The following RPIA variants were observed in gnomAD, a reference collection of about 807,000 sequenced individuals.
RPIA encodes ribose 5-phosphate isomerase A.
RPIA carries 29 observed loss-of-function variants against 37.8 expected under a neutral mutation model. That is an observed-to-expected ratio of 0.77 (90% CI 0.57 to 1.05). RPIA has a LOEUF of 1.05. Ranked by LOEUF, RPIA falls within the 50% of genes least tolerant of loss-of-function variation. RPIA has a pLI of 0.00. For synonymous variants in RPIA, 167 were observed against 157.0 expected (o/e 1.06, Z -0.48); for missense variants, 385 against 413.6 (o/e 0.93, Z 0.60).
chr2:88,735,340 C>T (rs1673302131), intron 5 of RPIA, among the ~76,000 whole-genome samples: 1 of 152,150 alleles, frequency 6.6e-6, no homozygotes, highest in African/African-American at 2.4e-5. Flanking sequence ...GCGTGCCCTC[C>T]TCAGCTTCTA....
intron 3 of RPIA, among the ~76,000 whole-genome samples, chr2:88,706,299 C>T (rs28589279): frequency 0.062 from 9,368 of 152,124 alleles, 513 homozygotes; most frequent in African/African-American, 0.14. Context: ...GACATGGAAT[C>T]AACCCAAATG....
chr2:88,700,220 A>G (rs1672811840), intron 3 of RPIA, among the ~76,000 whole-genome samples, 156 bp downstream of exon 3: 1 of 152,206 alleles, frequency 6.6e-6, no homozygotes, highest in African/African-American at 2.4e-5. Flanking sequence ...TCCTTCTTGG[A>G]ATTGTAGTTT....
chr2:88,692,443 G>A (rs2104061865), intron 1 of RPIA, among the ~76,000 whole-genome samples: 1 of 152,292 alleles, frequency 6.6e-6, no homozygotes, highest in South Asian at 2.1e-4. Flanking sequence ...TGGGCTTGGT[G>A]CGCGCCGGCC....
At chr2:88,715,832 G>GA (rs1673028138) in intron 3 of RPIA, among the ~76,000 whole-genome samples, 1 of 151,944 alleles carries the variant, frequency 6.6e-6, no homozygotes, top group South Asian at 2.1e-4. Context: ...ATTCCTTTAA[G>GA]AAAAAATCCT....
At position 88,691,914 on chromosome 2, in the gene RPIA, C is replaced by A. The variant is rs756812955; in HGVS notation, c.216C>A (p.Pro72=). The A allele has an allele frequency of 2.5e-6, 4 of 1,595,436 alleles. No homozygotes were observed. In the Admixed American group the frequency reaches 7.0e-5, roughly 28 times the overall value. Residue 72 remains proline, a synonymous_variant, in exon 1 of 9, where the codon CCC becomes CCA. Coordinates refer to ENST00000283646, the MANE Select transcript of RPIA (RefSeq NM_144563.3). ...CGDSNSICPA[P]STMSKAEEAK... is the part of the protein sequence containing the mutation. Reference sequence around the variant, plus strand: ...ACTCCAACAGCATCTGCCCGGCCCCCTCCACGATGTCCAAGGCCGAGGAGG... The same window carrying A: ...ACTCCAACAGCATCTGCCCGGCCCCATCCACGATGTCCAAGGCCGAGGAGG...
At chr2:88,726,037 C>A (rs958960436) in intron 3 of RPIA, among the ~76,000 whole-genome samples, 1 of 152,116 alleles carries the variant, frequency 6.6e-6, no homozygotes, top group African/African-American at 2.4e-5. Context: ...ACAGATGCTC[C>A]CCTTGTGTTG....
intron 1 of RPIA, among the ~76,000 whole-genome samples, chr2:88,697,029 TTAA>T: frequency 6.6e-6 from 1 of 152,364 alleles, no homozygotes; most frequent in African/African-American, 2.4e-5. Flanking sequence ...AGAAGATCTG[TTAA>T]TAATTGTGTC....
intron 3 of RPIA, among the ~76,000 whole-genome samples, chr2:88,727,484 A>C (rs1673213534): frequency 6.6e-6 from 1 of 152,168 alleles, no homozygotes; most frequent in Admixed American, 6.5e-5. Flanking sequence ...TGTACAGATT[A>C]TTTTGTCACC....
intron 3 of RPIA, among the ~76,000 whole-genome samples, chr2:88,718,576 G>T (rs1218818298): frequency 1.3e-5 from 2 of 152,062 alleles, no homozygotes; most frequent in African/African-American, 2.4e-5. Context: ...TCCTGTACAG[G>T]GACTGCATAG....
chr2:88,708,816 G>C (rs974545075), intron 3 of RPIA, among the ~76,000 whole-genome samples: 3 of 151,048 alleles, frequency 2.0e-5, no homozygotes, highest in African/African-American at 7.3e-5. Flanking sequence ...GAGTGCAGTG[G>C]CACGATCTTG....
intron 4 of RPIA, among the ~76,000 whole-genome samples, chr2:88,732,759 A>T (rs201051029): frequency 0.01 from 123 of 11,840 alleles, 20 homozygotes; most frequent in East Asian, 0.078. Context: ...AAAAAAAAAA[A>T]AAAAAAGAAA....
chr2:88,692,227 C>T (rs1045458432), intron 1 of RPIA, among the ~76,000 whole-genome samples: 1 of 152,222 alleles, frequency 6.6e-6, no homozygotes, highest in East Asian at 1.9e-4. Flanking sequence ...ACTCCTTGTC[C>T]AGCTGGAACA....
At chr2:88,715,483 C>T (rs1275021489) in intron 3 of RPIA, among the ~76,000 whole-genome samples, 1 of 152,206 alleles carries the variant, frequency 6.6e-6, no homozygotes, top group Non-Finnish European at 1.5e-5. Context: ...GTCAGAAATT[C>T]TATCTATAGG....
intron 8 of RPIA, among the ~76,000 whole-genome samples, chr2:88,744,110 A>G (rs980581888): frequency 1.3e-5 from 2 of 151,294 alleles, no homozygotes; most frequent in East Asian, 3.9e-4. Flanking sequence ...GATTATCTGT[A>G]CTCTTTCAGA....
intron 3 of RPIA, among the ~76,000 whole-genome samples, chr2:88,721,951 A>G (rs1348319667): frequency 6.6e-6 from 1 of 151,076 alleles, no homozygotes; most frequent in Admixed American, 6.6e-5. Flanking sequence ...TTTGTGTTTA[A>G]TTATAGACAG....
At chr2:88,712,515 C>G (rs140911672) in intron 3 of RPIA, among the ~76,000 whole-genome samples, 135 of 152,332 alleles carry the variant, frequency 8.9e-4, no homozygotes, top group African/African-American at 3.1e-3. Flanking sequence ...ACCTTGCTCT[C>G]ACAGTTCACC....
At chr2:88,709,945 T>C (rs1373326540) in intron 3 of RPIA, among the ~76,000 whole-genome samples, 1 of 152,236 alleles carries the variant, frequency 6.6e-6, no homozygotes, top group Non-Finnish European at 1.5e-5. Flanking sequence ...GGGACTAAAC[T>C]ACTGAAGGTT....
intron 4 of RPIA, among the ~76,000 whole-genome samples, chr2:88,732,984 T>A (rs1673265208): frequency 6.6e-6 from 1 of 152,218 alleles, no homozygotes; most frequent in Non-Finnish European, 1.5e-5. Context: ...TTTATAGATG[T>A]GAAAAAGGCA....
chr2:88,749,914 C>CAAAA, intron 8 of RPIA, 67 bp from the exon 9 acceptor site: 1 of 1,080,540 alleles, frequency 9.3e-7, no homozygotes. Context: ...AGTGACCCTG[C>CAAAA]AGTCTTTGAG....
Sources: allele counts gnomAD v4.1 joint callset (sites outside exome capture counted in the v4.1 genomes callset), GRCh38; gene constraint gnomAD v4.1.1; transcripts MANE v1.5; gene names NCBI Gene and HGNC (gene_info 2026-07-23, HGNC 2026-07-21).